The following OPCML variants were observed in gnomAD, a reference collection of about 807,000 sequenced individuals.
OPCML encodes opioid-binding protein/cell adhesion molecule.
In OPCML, 13 loss-of-function variants were observed where a neutral mutation model predicts 37.8. The ratio of observed to expected loss-of-function variants is 0.34; its 90% CI spans 0.22 to 0.55. OPCML has a LOEUF of 0.55. OPCML is among the 20% of genes least tolerant of loss of function. The pLI is 0.91. For missense variants in OPCML, 341 were observed against 435.6 expected (o/e 0.78, Z 1.93); for synonymous variants, 176 against 168.8 (o/e 1.04, Z -0.33).
chr11:132,523,614 C>T (rs563290850), intron 4 of OPCML, among the ~76,000 whole-genome samples: 5 of 152,234 alleles, frequency 3.3e-5, no homozygotes, highest in Admixed American at 3.3e-4. Flanking sequence ...AATACAGTAG[C>T]TATTTTTAAA....
chr11:133,528,821 A>C (rs1266531550), intron 1 of OPCML, among the ~76,000 whole-genome samples: 1 of 152,114 alleles, frequency 6.6e-6, no homozygotes, highest in Non-Finnish European at 1.5e-5. Context: ...CTCCCAGCTA[A>C]CTCCCCTGCT....
intron 2 of OPCML, among the ~76,000 whole-genome samples, chr11:132,930,321 G>T (rs1490469039): frequency 6.6e-6 from 1 of 152,030 alleles, no homozygotes; most frequent in Non-Finnish European, 1.5e-5. Flanking sequence ...CCATGATTGT[G>T]TCACTACACT....
chr11:132,855,215 AACTG>A lies in OPCML; in HGVS notation c.146+87707_146+87710del, dbSNP rs60431795. Reference sequence around the variant, plus strand: ...GTTTTTCAGATTACTGCATTCTGGTAACTGACTGACTACACCCAGTGTTTTCACT... The same window carrying A: ...GTTTTTCAGATTACTGCATTCTGGTAACTGACTACACCCAGTGTTTTCACT... On this transcript the variant is annotated intron_variant, in intron 2 of 7. Transcript: ENST00000524381. Among the ~76,000 whole-genome samples the A allele has an allele frequency of 6.6e-3, 999 of 152,262 alleles. 15 individuals carry two copies. Among genetic ancestry groups the A allele is most frequent in the African/African-American group, 0.021 (885 of 41,546 alleles).
At chr11:132,648,521 CTTTT>C (rs770218241) in intron 3 of OPCML, among the ~76,000 whole-genome samples, 1 of 139,484 alleles carries the variant, frequency 7.2e-6, no homozygotes, top group Non-Finnish European at 1.6e-5. Context: ...TTCTCTCTGT[CTTTT>C]TTTTTTTTTT....
chr11:132,434,893 A>C (rs2096008113), intron 7 of OPCML, among the ~76,000 whole-genome samples: 1 of 152,166 alleles, frequency 6.6e-6, no homozygotes, highest in Non-Finnish European at 1.5e-5. Context: ...TTCTTTTCAA[A>C]GATGACCAAA....
chr11:132,489,884 C>G (rs1377956654), intron 4 of OPCML, among the ~76,000 whole-genome samples: 2 of 152,104 alleles, frequency 1.3e-5, no homozygotes, highest in South Asian at 2.1e-4. Flanking sequence ...TGTTCCCCTC[C>G]CAGTGTCCAT....
At chr11:132,550,424 T>C (rs2137426188) in intron 3 of OPCML, among the ~76,000 whole-genome samples, 1 of 152,280 alleles carries the variant, frequency 6.6e-6, no homozygotes, top group Non-Finnish European at 1.5e-5. Flanking sequence ...TGACTCCCTC[T>C]GTCTCTCTCT....
chr11:133,083,082 CTGCGCCCCGACGGCACCCGTG>C (rs1948761930), intron 1 of OPCML, among the ~76,000 whole-genome samples: 1 of 152,034 alleles, frequency 6.6e-6, no homozygotes, highest in Admixed American at 6.5e-5. Context: ...GAAACACCGC[CTGCGCCCCGACGGCACCCGTG>C]TGCGCACCAC....
At chr11:132,808,409 A>C (rs1160064129) in intron 2 of OPCML, among the ~76,000 whole-genome samples, 2 of 152,236 alleles carry the variant, frequency 1.3e-5, no homozygotes, top group East Asian at 3.9e-4. Context: ...AGAAAGCATT[A>C]CTGGTCAGGG....
chr11:132,777,274 G>A (rs977401548), intron 2 of OPCML, among the ~76,000 whole-genome samples: 1 of 152,210 alleles, frequency 6.6e-6, no homozygotes, highest in African/African-American at 2.4e-5. Flanking sequence ...TCAGTCACAT[G>A]CACTTCCTTT....
chr11:133,119,599 A>T (rs1938602834), intron 1 of OPCML, among the ~76,000 whole-genome samples: 1 of 152,154 alleles, frequency 6.6e-6, no homozygotes, highest in Admixed American at 6.5e-5. Context: ...CATTCACCTG[A>T]CATAGTGCAA....
intron 3 of OPCML, among the ~76,000 whole-genome samples, chr11:132,618,954 T>TACACAC (rs6144570): frequency 5.7e-4 from 83 of 145,546 alleles, no homozygotes; most frequent in South Asian, 1.3e-3. Flanking sequence ...AGCACACGCA[T>TACACAC]ACACACACAC....
chr11:132,467,970 C>T (rs1015422487), intron 4 of OPCML, among the ~76,000 whole-genome samples: 7 of 152,180 alleles, frequency 4.6e-5, no homozygotes, highest in African/African-American at 1.7e-4. Context: ...AGGCTGTTGA[C>T]ATCCCTCTAG....
chr11:133,431,529 G>C (rs928006824), intron 1 of OPCML, among the ~76,000 whole-genome samples: 12 of 152,044 alleles, frequency 7.9e-5, no homozygotes, highest in African/African-American at 2.7e-4. Context: ...GCAATAGCGT[G>C]ATCTCAGCTC....
intron 4 of OPCML, among the ~76,000 whole-genome samples, chr11:132,525,212 T>C (rs562852420): frequency 2.6e-5 from 4 of 152,362 alleles, no homozygotes; most frequent in Non-Finnish European, 2.9e-5. Flanking sequence ...TTTTCTCCAA[T>C]GTGATAATGG....
chr11:133,004,264 C>G, intron 1 of OPCML: 1 of 985,462 alleles, frequency 1.0e-6, no homozygotes, highest in Non-Finnish European at 1.2e-6. Flanking sequence ...TCCTTAGAGG[C>G]TTGCCAGAGG....
chr11:133,365,420 C>T (rs908891918), intron 1 of OPCML: 5 of 152,192 alleles, frequency 3.3e-5, no homozygotes, highest in South Asian at 2.1e-4. Context: ...TTATTATCCT[C>T]GCATGGCTGA....
chr11:133,107,649 C>T (rs1218047447), intron 1 of OPCML, among the ~76,000 whole-genome samples: 7 of 152,158 alleles, frequency 4.6e-5, no homozygotes, highest in Non-Finnish European at 1.0e-4. Flanking sequence ...TTTGTCTGAA[C>T]GATAATAAAG....
At chr11:132,864,395 T>G (rs2136371088) in intron 2 of OPCML, among the ~76,000 whole-genome samples, 1 of 152,360 alleles carries the variant, frequency 6.6e-6, no homozygotes, top group Non-Finnish European at 1.5e-5. Flanking sequence ...GGCTCAAATC[T>G]GTCACTCACT....
Sources: allele counts gnomAD v4.1 joint callset (sites outside exome capture counted in the v4.1 genomes callset), GRCh38; gene constraint gnomAD v4.1.1; transcripts MANE v1.5; gene names NCBI Gene and HGNC (gene_info 2026-07-23, HGNC 2026-07-21).